The following A4GALT variants were observed in gnomAD, a reference collection of about 807,000 sequenced individuals.
A4GALT encodes the protein lactosylceramide 4-alpha-galactosyltransferase.
For missense variants in A4GALT, 512 were observed against 486.0 expected (o/e 1.05, Z -0.50); for synonymous variants, 257 against 220.7 (o/e 1.16, Z -1.46).
At chr22:42,697,370 C>T (rs9623661) in intron 1 of A4GALT, among the ~76,000 whole-genome samples, 9,532 of 152,112 alleles carry the variant, frequency 0.063, 373 homozygotes, top group Non-Finnish European at 0.09. Flanking sequence ...GACATGGTGC[C>T]CCCTGCCCCT....
intron 1 of A4GALT, among the ~76,000 whole-genome samples, chr22:42,696,420 CAAAAAGGAAAAAAAAAAAAAAAGA>C (rs1930937538): frequency 1.1e-5 from 1 of 93,190 alleles, no homozygotes; most frequent in Admixed American, 1.1e-4. Flanking sequence ...AACTCAGTTT[CAAAAAGGAAAAAAAAAAAAAAAGA>C]AAAAAGGAAA....
rs1042530842 is a variant in A4GALT, at chr22:42,692,623, C to T, written c.*267G>A. 1 of 615,656 alleles carries T rather than the reference C, an allele frequency of 1.6e-6. No homozygotes were observed. The allele number at this position is 615,656 out of a possible 1,614,324, so 38.1% of individuals were successfully genotyped here. ...TGGGGGTGCCCTGAGGTTCATCCTT[C>T]CTGCCTGTTGTCTAGAAGGCCCGGG... On this transcript the variant is annotated 3_prime_UTR_variant, in exon 3 of 3. Transcript: ENST00000642412. This position sits in a 1 kb window ranked among gnomAD's most constrained non-coding sequence, Gnocchi z 4.6.
chr22:42,710,434 A>C (rs1003811958), intron 1 of A4GALT, among the ~76,000 whole-genome samples: 7 of 152,166 alleles, frequency 4.6e-5, no homozygotes, highest in African/African-American at 1.7e-4. Context: ...AGTGGCCCAC[A>C]CCTGTAATCC....
intron 1 of A4GALT, 111 bp downstream of exon 1, chr22:42,720,686 C>T (rs1922645915): frequency 6.6e-6 from 1 of 152,110 alleles, no homozygotes; most frequent in African/African-American, 2.4e-5. Context: ...GGGCGGCGGC[C>T]CAGCCCCTCC....
At chr22:42,696,141 C>CAAAAAAAAAAAAAAA (rs1930915021) in intron 1 of A4GALT, among the ~76,000 whole-genome samples, 1 of 52,934 alleles carries the variant, frequency 1.9e-5, no homozygotes, top group Non-Finnish European at 3.7e-5. Flanking sequence ...AAAAAAAAAG[C>CAAAAAAAAAAAAAAA]CAGGCGCGGT....
intron 1 of A4GALT, among the ~76,000 whole-genome samples, chr22:42,710,570 A>C (rs1442651900): frequency 6.6e-6 from 1 of 152,010 alleles, no homozygotes; most frequent in Non-Finnish European, 1.5e-5. Context: ...GGTGGTATGC[A>C]CCTGTGGTCC....
Position 42,692,976 on chromosome 22 carries a change from A to G in A4GALT, c.976T>C (p.Phe326Leu). 9 of 1,613,184 alleles carry G rather than the reference A, an allele frequency of 5.6e-6. No individual in the cohort carries two copies. The highest frequency in any genetic ancestry group is 7.6e-6 in the Non-Finnish European group (9 of 1,179,938). The change falls in exon 3 of 3, where the codon TTC (phenylalanine) becomes CTC (leucine). Residue 326 changes from phenylalanine (F) to leucine (L), a missense_variant. By Grantham distance (22) the Phe-to-Leu change is conservative (BLOSUM62 0). Transcript: ENST00000642412. This position sits in a 1 kb window ranked among gnomAD's most constrained non-coding sequence, Gnocchi z 4.6. ...AGCAGTGCCCTGGACGTGGCCTCGA[A>G]CCGCGTGCCCTGGCTCTTCTTGTTC... ...VWNKKSQGTR[F>L]EATSRALLAQ...
chr22:42,714,416 C>A (rs1038562965), intron 1 of A4GALT, among the ~76,000 whole-genome samples: 4 of 151,510 alleles, frequency 2.6e-5, no homozygotes, highest in African/African-American at 9.7e-5. Flanking sequence ...AGTGAAACCC[C>A]GTTTCTTCAA....
In A4GALT at chr22:42,692,726, G is replaced by A. The variant is rs1327135481; in HGVS notation, c.*164C>T. 1.2e-6 allele frequency: 1 copy of A among 819,638 alleles called. No individual in the cohort carries two copies. Among genetic ancestry groups the A allele is most frequent in the Non-Finnish European group, 2.0e-6 (1 of 493,072 alleles). The allele number at this position is 819,638 out of a possible 1,614,324, so 50.8% of individuals were successfully genotyped here. Reference sequence around the variant, plus strand: ...CGAGACAGGACACTGTCCTCGGGGTGTCCACAGCCTCCCACTGGGCCTGCT... The same window carrying A: ...CGAGACAGGACACTGTCCTCGGGGTATCCACAGCCTCCCACTGGGCCTGCT... On this transcript the variant is annotated 3_prime_UTR_variant, in exon 3 of 3. Transcript: ENST00000642412. The surrounding 1 kb of genome is among the most constrained non-coding windows in gnomAD (Gnocchi z 4.6).
intron 1 of A4GALT, among the ~76,000 whole-genome samples, chr22:42,696,893 C>T (rs930897421): frequency 6.6e-6 from 1 of 151,232 alleles, no homozygotes; most frequent in Non-Finnish European, 1.5e-5. Context: ...TTGGAGGGTT[C>T]TTCTCTCAGA....
rs1448243394 is a variant in A4GALT at position 42,692,780 on chromosome 22, C to A, written c.*110G>T. The A allele has an allele frequency of 7.5e-7, 1 of 1,324,624 alleles. No individual in the cohort carries two copies. The highest frequency in any genetic ancestry group is 1.9e-5 in the Admixed American group (1 of 53,008). 82.1% of individuals were successfully genotyped at this position (1,324,624 alleles called of 1,614,324 possible). A position where few individuals can be genotyped will look rare whatever the true frequency, so the allele number is the denominator to read the frequency against. Reference sequence around the variant, plus strand: ...ACAGCTCCTCAACAGCCTGCCTAAGCCCGGTGGCAGCTCGGGCCTCCCTCT... The same window carrying A: ...ACAGCTCCTCAACAGCCTGCCTAAGACCGGTGGCAGCTCGGGCCTCCCTCT... On this transcript the variant is annotated 3_prime_UTR_variant, in exon 3 of 3. Coordinates refer to ENST00000642412, the MANE Select transcript of A4GALT (RefSeq NM_017436.7). This position sits in a 1 kb window ranked among gnomAD's most constrained non-coding sequence, Gnocchi z 4.6.
chr22:42,705,288 T>C (rs989155383), intron 1 of A4GALT, among the ~76,000 whole-genome samples: 1 of 151,938 alleles, frequency 6.6e-6, no homozygotes, highest in Non-Finnish European at 1.5e-5. Context: ...CGCTTATATA[T>C]AAAGAAAATT....
intron 1 of A4GALT, among the ~76,000 whole-genome samples, chr22:42,706,350 A>ACC (rs1162611268): frequency 2.8e-5 from 2 of 70,290 alleles, no homozygotes; most frequent in African/African-American, 1.3e-4. Context: ...GCGAGACTCC[A>ACC]TCCCAAAAAA....
chr22:42,704,310 A>C (rs28992188), intron 1 of A4GALT, among the ~76,000 whole-genome samples: 5 of 151,836 alleles, frequency 3.3e-5, no homozygotes, highest in African/African-American at 1.2e-4. Flanking sequence ...GTGAAACCCC[A>C]TCTCTACTAA....
At chr22:42,709,948 A>AC (rs1921534134) in intron 1 of A4GALT, among the ~76,000 whole-genome samples, 1 of 152,206 alleles carries the variant, frequency 6.6e-6, no homozygotes. Context: ...AGTGACACCA[A>AC]AAAACATTTA....
chr22:42,696,368 C>T (rs1228977848), intron 1 of A4GALT, among the ~76,000 whole-genome samples: 3 of 149,158 alleles, frequency 2.0e-5, no homozygotes, highest in African/African-American at 7.4e-5. Context: ...TGCAGTGCGC[C>T]GAGATTGCAC....
intron 1 of A4GALT, among the ~76,000 whole-genome samples, chr22:42,706,049 C>CAA (rs763747325): frequency 0.053 from 1,300 of 24,456 alleles, 115 homozygotes; most frequent in African/African-American, 0.13. Flanking sequence ...GACTACATCT[C>CAA]AAAAAAAAAA....
In A4GALT at chr22:42,692,540, CACCGG is replaced by C. The variant is rs1206488706; in HGVS notation, c.*345_*349del. ...TGTCCCTTCTTCCCCATCCCCTTAG[CACCGG>C]CCTCTGCCCTCGTGGGCACCTCTGT... is the stretch of plus-strand genomic sequence containing the variant. On this transcript the variant is annotated 3_prime_UTR_variant, in exon 3 of 3. Coordinates refer to ENST00000642412, the MANE Select transcript of A4GALT (RefSeq NM_017436.7). This position sits in a 1 kb window ranked among gnomAD's most constrained non-coding sequence, Gnocchi z 4.6. The C allele has an allele frequency of 2.5e-5, 11 of 441,408 alleles. No homozygotes were observed. Among genetic ancestry groups the C allele is most frequent in the South Asian group, 1.6e-4 (9 of 55,146 alleles). The allele number at this position is 441,408 out of a possible 1,614,324, so 27.3% of individuals were successfully genotyped here. A position where few individuals can be genotyped will look rare whatever the true frequency, so the allele number is the denominator to read the frequency against.
chr22:42,702,484 G>A (rs1025390616), intron 1 of A4GALT, among the ~76,000 whole-genome samples: 1 of 152,124 alleles, frequency 6.6e-6, no homozygotes, highest in African/African-American at 2.4e-5. Flanking sequence ...ACAGGAGTGC[G>A]CCACCATGTC....
Sources: gnomAD v4.1 joint callset for allele counts (sites outside exome capture counted in the v4.1 genomes callset) on GRCh38, gnomAD v4.1.1 for gene constraint, Gnocchi (gnomAD v3.1) non-coding constraint, MANE v1.5 for transcripts, NCBI Gene and HGNC (gene_info 2026-07-23, HGNC 2026-07-21) for gene names.